PTPRD: variants seen among roughly 807,000 people sequenced by gnomAD.
PTPRD encodes protein tyrosine phosphatase receptor type D.
Under a neutral mutation model 214.5 loss-of-function variants are expected in PTPRD, and 34 were observed. The ratio of observed to expected loss-of-function variants is 0.16; its 90% confidence interval spans 0.12 to 0.21. The LOEUF is 0.21. Ranked by LOEUF, PTPRD falls within the 10% of genes least tolerant of loss-of-function variation. The probability of loss-of-function intolerance (pLI) is 1.00; values close to 1 mark genes in which losing one functional copy is unlikely to be tolerated. For synonymous variants in PTPRD, 1,128 were observed against 845.7 expected, an observed-to-expected ratio of 1.33 and a Z score of -5.79; for missense variants, 2,545 against 2,398.7, an observed-to-expected ratio of 1.06 and a Z score of -1.27.
chr9:9,256,182 T>C (rs1406562045), intron 9 of PTPRD, among the ~76,000 whole-genome samples: 1 of 151,902 alleles, frequency 6.6e-6, no homozygotes, highest in African/African-American at 2.4e-5. Flanking sequence ...TAAATCCAAT[T>C]CCTTTTCTCC....
At chr9:8,743,335 A>C (rs2092343645) in intron 11 of PTPRD, among the ~76,000 whole-genome samples, 1 of 152,212 alleles carries the variant, frequency 6.6e-6, no homozygotes, top group Non-Finnish European at 1.5e-5. Context: ...ACCAATTAAA[A>C]GAATGAAGCT....
chr9:9,514,056 G>C (rs956416403), intron 8 of PTPRD, among the ~76,000 whole-genome samples: 4 of 152,016 alleles, frequency 2.6e-5, no homozygotes, highest in African/African-American at 9.7e-5. Flanking sequence ...TCTGTGCTAA[G>C]TACCCCAAAG....
chr9:8,919,251 G>A (rs757455238), intron 11 of PTPRD, among the ~76,000 whole-genome samples: 7 of 151,936 alleles, frequency 4.6e-5, no homozygotes, highest in Non-Finnish European at 1.0e-4. Context: ...AAATTAGCTG[G>A]GCGTGGTGGT....
intron 10 of PTPRD, among the ~76,000 whole-genome samples, chr9:9,131,279 CTT>C (rs940779686): frequency 6.6e-6 from 1 of 152,056 alleles, no homozygotes; most frequent in Admixed American, 6.6e-5. Context: ...AGTATGAAAA[CTT>C]TTAGTATTTG....
chr9:8,394,184 A>C (rs2090439754), intron 36 of PTPRD, among the ~76,000 whole-genome samples: 1 of 152,016 alleles, frequency 6.6e-6, no homozygotes, highest in South Asian at 2.1e-4. Flanking sequence ...CAAGAAGAAA[A>C]AAAAAAGCAA....
chr9:9,215,709 T>C (rs1256548646), intron 9 of PTPRD, among the ~76,000 whole-genome samples: 1 of 152,216 alleles, frequency 6.6e-6, no homozygotes, highest in African/African-American at 2.4e-5. Context: ...AACCCTGCTT[T>C]ACAAGTAACA....
intron 9 of PTPRD, among the ~76,000 whole-genome samples, chr9:9,322,945 T>C (rs558175301): frequency 6.6e-6 from 1 of 152,188 alleles, no homozygotes; most frequent in African/African-American, 2.4e-5. Context: ...TTTTTAAAAA[T>C]GTCTATTCTG....
intron 3 of PTPRD, among the ~76,000 whole-genome samples, chr9:10,178,325 G>A (rs1371241667): frequency 6.6e-6 from 1 of 151,702 alleles, no homozygotes; most frequent in Non-Finnish European, 1.5e-5. Context: ...CATGTCACTG[G>A]ACCAGACAGT....
chr9:9,461,129 T>G (rs1313875366), intron 8 of PTPRD, among the ~76,000 whole-genome samples: 1 of 151,796 alleles, frequency 6.6e-6, no homozygotes, highest in East Asian at 1.9e-4. Context: ...TGGGTATACA[T>G]GAACATAAAG....
intron 5 of PTPRD, among the ~76,000 whole-genome samples, chr9:9,835,730 G>C (rs1050743599): frequency 6.6e-6 from 1 of 152,082 alleles, no homozygotes; most frequent in East Asian, 1.9e-4. Flanking sequence ...CTGAAGGTCA[G>C]AGTGACCAGC....
rs757769960 is a variant in PTPRD, at chr9:8,521,493, G to C, written c.745C>G (p.Pro249Ala). Reference protein sequence around the residue: ...SIPPTNHEIMPGGSVNITCVA... With the variant: ...SIPPTNHEIMAGGSVNITCVA... ...CAGGTGATATTAACGCTTCCGCCTG[G>C]CATGATTTCATGATTAGTGGGTGGG... Residue 249 changes from proline (P) to alanine (A), a missense_variant, in exon 20 of 46, where the codon CCA becomes GCA. By Grantham distance (27) the Pro-to-Ala change is conservative. Transcript: ENST00000381196. The C allele has an allele frequency of 1.9e-5, 30 of 1,613,780 alleles. No individual in the cohort carries two copies. Among genetic ancestry groups the C allele is most frequent in the Non-Finnish European group, 2.5e-5 (30 of 1,179,904 alleles).
chr9:10,218,424 T>C (rs2099551394), intron 3 of PTPRD, among the ~76,000 whole-genome samples: 1 of 151,912 alleles, frequency 6.6e-6, no homozygotes, highest in African/African-American at 2.4e-5. Flanking sequence ...GCAATATGTA[T>C]CTTATGGGGG....
intron 8 of PTPRD, among the ~76,000 whole-genome samples, chr9:9,460,133 G>A (rs967496695): frequency 6.6e-6 from 1 of 151,960 alleles, no homozygotes; most frequent in Non-Finnish European, 1.5e-5. Flanking sequence ...AAAAACACCT[G>A]GCTAGCTATA....
chr9:10,436,937 C>G (rs2154522233), intron 2 of PTPRD, among the ~76,000 whole-genome samples: 1 of 151,884 alleles, frequency 6.6e-6, no homozygotes, highest in East Asian at 1.9e-4. Flanking sequence ...AAGATGTCCA[C>G]TTACATGTGC....
At chr9:9,670,841 C>A (rs1483421148) in intron 7 of PTPRD, among the ~76,000 whole-genome samples, 1 of 152,164 alleles carries the variant, frequency 6.6e-6, no homozygotes, top group Non-Finnish European at 1.5e-5. Context: ...TGCCTGGATG[C>A]CCAGGCAGAA....
At chr9:8,640,368 G>C (rs1216236732) in intron 12 of PTPRD, among the ~76,000 whole-genome samples, 1 of 151,886 alleles carries the variant, frequency 6.6e-6, no homozygotes, top group African/African-American at 2.4e-5. Flanking sequence ...AAAATTTAAA[G>C]AAAAGAAAAA....
intron 21 of PTPRD, among the ~76,000 whole-genome samples, chr9:8,510,990 T>C (rs1458531568): frequency 1.3e-5 from 2 of 152,052 alleles, no homozygotes; most frequent in Non-Finnish European, 2.9e-5. Context: ...CCATTTCACA[T>C]TTCTATTAAT....
chr9:9,146,237 G>C (rs2099868409), intron 10 of PTPRD, among the ~76,000 whole-genome samples: 1 of 151,958 alleles, frequency 6.6e-6, no homozygotes, highest in Middle Eastern at 3.4e-3. Context: ...GCTGTGCATG[G>C]CTAAAAGTAA....
Position 9,566,914 on chromosome 9 carries a change from A to G in PTPRD, c.-237+7818T>C, listed in dbSNP as rs74892217. On this transcript the variant is annotated intron_variant, in intron 8 of 45. Coordinates refer to ENST00000381196, the MANE Select transcript of PTPRD (RefSeq NM_002839.4). ...TTGTTGCCCAGGCACATACTCTAGCAAACACAGAGTAAACCTTACCTTATG... is the reference window on the plus strand; with the variant it reads ...TTGTTGCCCAGGCACATACTCTAGCGAACACAGAGTAAACCTTACCTTATG... Among the ~76,000 whole-genome samples, 1,308 of 152,224 alleles carry G rather than the reference A, an allele frequency of 8.6e-3. 7 individuals carry two copies. The highest frequency in any genetic ancestry group is 0.014 in the Non-Finnish European group (957 of 67,974).
Sources: gnomAD v4.1 joint callset for allele counts (sites outside exome capture counted in the v4.1 genomes callset) on GRCh38, gnomAD v4.1.1 for gene constraint, MANE v1.5 for transcripts, NCBI Gene and HGNC (gene_info 2026-07-23, HGNC 2026-07-21) for gene names.